Variants in ARID5B observed in about 807,000 individuals in gnomAD.
ARID5B encodes the protein AT-rich interactive domain-containing protein 5B.
ARID5B carries 13 observed loss-of-function variants against 97.2 expected under a neutral mutation model. The observed-to-expected ratio is 0.13, with a 90% CI of 0.09 to 0.21. The LOEUF (loss-of-function observed/expected upper bound fraction) is 0.21. ARID5B is among the 10% of genes least tolerant of loss of function. The probability of loss-of-function intolerance (pLI) is 1.00; values close to 1 mark genes in which losing one functional copy is unlikely to be tolerated. For missense variants in ARID5B, 1,210 were observed against 1,465.3 expected, an observed-to-expected ratio of 0.83 and a Z score of 2.84; for synonymous variants, 556 against 570.3, an observed-to-expected ratio of 0.97 and a Z score of 0.36.
At chr10:62,059,184 C>A in intron 6 of ARID5B, 59 bp from the exon 7 acceptor site, 2 of 1,314,236 alleles carry the variant, frequency 1.5e-6, no homozygotes, top group Non-Finnish European at 1.1e-6. Context: ...TTTTAATTGA[C>A]ATTTCTTGGA....
intron 4 of ARID5B, chr10:62,049,357 G>T (rs975765853): frequency 6.5e-7 from 1 of 1,541,050 alleles, no homozygotes; most frequent in African/African-American, 1.4e-5. Context: ...CTCGCAGCTC[G>T]CATTCGGAGG....
chr10:61,937,520 C>T lies in ARID5B; in HGVS notation c.277-2663C>T, dbSNP rs1844326438. Among the ~76,000 whole-genome samples the T allele has an allele frequency of 2.6e-5, 4 of 152,204 alleles. No homozygotes were observed. The South Asian group carries it at 8.3e-4, about 31-fold the overall frequency. ...TAAGGACTTAGAACGTGGCTCAACA[C>T]AGCTTACATAAATATTGATTAAGAG... On this transcript the variant is annotated intron_variant, in intron 2 of 9. Transcript: ENST00000279873.
At chr10:62,068,068 G>T (rs985217462) in intron 7 of ARID5B, among the ~76,000 whole-genome samples, 2 of 152,004 alleles carry the variant, frequency 1.3e-5, no homozygotes, top group African/African-American at 4.8e-5. Flanking sequence ...GCACTTGGAG[G>T]TATCCTGTTT....
intron 3 of ARID5B, among the ~76,000 whole-genome samples, chr10:61,985,846 G>C (rs1290071245): frequency 6.6e-6 from 1 of 152,092 alleles, no homozygotes; most frequent in Non-Finnish European, 1.5e-5. Context: ...TGCTTTCTAA[G>C]GGGTTAAAAG....
chr10:61,939,867 C>T (rs1216954140), intron 2 of ARID5B, among the ~76,000 whole-genome samples: 1 of 152,208 alleles, frequency 6.6e-6, no homozygotes, highest in South Asian at 2.1e-4. Context: ...AGCTTTCACC[C>T]AAGTGGTCAG....
At chr10:62,059,137 A>G in intron 6 of ARID5B, 106 bp from the exon 7 acceptor site, 2 of 910,604 alleles carry the variant, frequency 2.2e-6, no homozygotes, top group South Asian at 3.6e-5. Flanking sequence ...GTACTTTAGT[A>G]TTTCTTTTTT....
At position 62,082,031 on chromosome 10, in the gene ARID5B, G is replaced by GA. The variant is rs201306146; in HGVS notation, c.1200-3665dup. 7.2e-3 allele frequency among the ~76,000 whole-genome samples: 1,087 copies of GA among 151,738 alleles called. 11 individuals carry two copies. The highest frequency in any genetic ancestry group is 0.024 in the African/African-American group (1,004 of 41,390). The stretch of plus-strand genomic sequence containing the variant: ...TTTTAAGAAAGAAGAATGAGGAGGG[G>GA]AAAAAATCTTGCTTTTCACAGTGAC... On this transcript the variant is annotated intron_variant, in intron 8 of 9. Coordinates refer to ENST00000279873, the MANE Select transcript of ARID5B (RefSeq NM_032199.3).
chr10:61,941,706 G>A (rs971697846), intron 3 of ARID5B, among the ~76,000 whole-genome samples: 15 of 152,072 alleles, frequency 9.9e-5, no homozygotes, highest in South Asian at 2.1e-4. Context: ...AACTATCAAC[G>A]GTTTCCTGGC....
chr10:61,934,422 C>T (rs919922327), intron 2 of ARID5B, among the ~76,000 whole-genome samples: 1 of 152,192 alleles, frequency 6.6e-6, no homozygotes, highest in African/African-American at 2.4e-5. Context: ...TAGCTTTCAG[C>T]CTCTCTTGGG....
intron 3 of ARID5B, among the ~76,000 whole-genome samples, chr10:61,951,961 ATTTCAGCTC>A (rs911384571): frequency 6.6e-6 from 1 of 152,086 alleles, no homozygotes; most frequent in Non-Finnish European, 1.5e-5. Context: ...ATCGTTGGGC[ATTTCAGCTC>A]TTTCTGATTC....
chr10:62,087,696 A>G (rs540840367), intron 9 of ARID5B, among the ~76,000 whole-genome samples: 1 of 152,304 alleles, frequency 6.6e-6, no homozygotes, highest in South Asian at 2.1e-4. Context: ...TTGCACATGT[A>G]CAACACGCAC....
chr10:62,046,865 C>T (rs1415669632), intron 4 of ARID5B: 7 of 152,162 alleles, frequency 4.6e-5, no homozygotes, highest in Non-Finnish European at 8.8e-5. Context: ...TTCTGTCGGA[C>T]AGTGTTTCCT....
intron 2 of ARID5B, among the ~76,000 whole-genome samples, chr10:61,907,704 GACTGTGA>G (rs1294829253): frequency 6.6e-6 from 1 of 152,250 alleles, no homozygotes; most frequent in African/African-American, 2.4e-5. Context: ...GAAATTACTG[GACTGTGA>G]CAAGAGTCAG....
intron 2 of ARID5B, among the ~76,000 whole-genome samples, chr10:61,934,713 A>G (rs1232978029): frequency 6.6e-6 from 1 of 152,148 alleles, no homozygotes; most frequent in African/African-American, 2.4e-5. Flanking sequence ...TTACAATAGT[A>G]ATATTAAAGA....
chr10:62,043,233 G>A (rs1839664377), intron 4 of ARID5B, among the ~76,000 whole-genome samples: 1 of 152,160 alleles, frequency 6.6e-6, no homozygotes, highest in African/African-American at 2.4e-5. Flanking sequence ...TCCCCTTAGA[G>A]AGTCAATCCT....
intron 4 of ARID5B, among the ~76,000 whole-genome samples, chr10:62,015,850 C>T (rs1368476257): frequency 2.6e-5 from 4 of 152,104 alleles, no homozygotes; most frequent in Admixed American, 6.5e-5. Flanking sequence ...TCTTGAACTC[C>T]GACCTCAGGT....
At chr10:61,964,222 G>C (rs1049116720) in intron 3 of ARID5B, among the ~76,000 whole-genome samples, 1 of 152,212 alleles carries the variant, frequency 6.6e-6, no homozygotes, top group East Asian at 1.9e-4. Context: ...TGGACTATAG[G>C]GTGTCCAGGA....
rs76729229 is a variant in ARID5B, at chr10:62,066,127, C to G, written c.1102-3573C>G. ...TGGACAACAGAATAAAAACTATAAG[C>G]AAGTACATAATTAGGCACAATTAAA... On this transcript the variant is annotated intron_variant, in intron 7 of 9. Coordinates refer to ENST00000279873, the MANE Select transcript of ARID5B (RefSeq NM_032199.3). Among the ~76,000 whole-genome samples the G allele has an allele frequency of 1.4e-3, 219 of 152,232 alleles. 1 individual carries two copies. The East Asian group carries it at 0.038, about 26-fold the overall frequency.
chr10:62,052,900 A>T (rs1045822700), intron 5 of ARID5B, among the ~76,000 whole-genome samples: 2 of 152,158 alleles, frequency 1.3e-5, no homozygotes, highest in African/African-American at 4.8e-5. Context: ...GACTGGTCTA[A>T]TGGCTTGGCT....
Sources: gnomAD v4.1 joint callset for allele counts (sites outside exome capture counted in the v4.1 genomes callset) on GRCh38, gnomAD v4.1.1 for gene constraint, MANE v1.5 for transcripts, NCBI Gene and HGNC (gene_info 2026-07-23, HGNC 2026-07-21) for gene names.